Variants in SNX29 observed in about 807,000 individuals in gnomAD.
SNX29 encodes sorting nexin-29.
A neutral mutation model predicts 102.1 loss-of-function variants in SNX29; 78 were observed. The observed-to-expected ratio is 0.76, with a 90% CI of 0.64 to 0.92. The LOEUF (loss-of-function observed/expected upper bound fraction) is 0.92. Among genes scored for constraint, SNX29 ranks in the 40% least tolerant of loss-of-function variants. SNX29 has a pLI of 0.00. For synonymous variants in SNX29, 580 were observed against 414.5 expected (o/e 1.40, Z -4.85); for missense variants, 1,280 against 1,061.7 (o/e 1.21, Z -2.86).
intron 20 of SNX29, among the ~76,000 whole-genome samples, chr16:12,550,531 C>CAAAAAAA (rs34325828): frequency 1.8e-5 from 2 of 108,182 alleles, no homozygotes; most frequent in Non-Finnish European, 2.2e-5. Context: ...TCTCAATCTA[C>CAAAAAAA]AAAAAAAAAA....
chr16:12,043,172 C>G (rs2049954827), intron 5 of SNX29, 95 bp downstream of exon 5: 3 of 1,495,664 alleles, frequency 2.0e-6, no homozygotes, highest in Non-Finnish European at 2.7e-6. Flanking sequence ...TCCTAGTTCC[C>G]CGATCTGGGG....
intron 18 of SNX29, among the ~76,000 whole-genome samples, chr16:12,405,415 G>T (rs1032093976): frequency 6.6e-6 from 1 of 152,216 alleles, no homozygotes. Flanking sequence ...ACGGTGTGAA[G>T]CTCTCATGGG....
At chr16:12,450,107 G>A (rs968382560) in intron 18 of SNX29, among the ~76,000 whole-genome samples, 1 of 152,182 alleles carries the variant, frequency 6.6e-6, no homozygotes, top group Non-Finnish European at 1.5e-5. Flanking sequence ...GTAAGAGGTG[G>A]CTTTGCTCTT....
At chr16:12,563,897 T>A (rs569176485) in intron 20 of SNX29, among the ~76,000 whole-genome samples, 6 of 152,240 alleles carry the variant, frequency 3.9e-5, no homozygotes, top group African/African-American at 1.2e-4. Context: ...CTCTGCCGTC[T>A]CTGGAGCAGG....
chr16:12,407,501 A>C (rs1053695469), intron 18 of SNX29, among the ~76,000 whole-genome samples: 1 of 152,224 alleles, frequency 6.6e-6, no homozygotes, highest in South Asian at 2.1e-4. Context: ...AAACAGTCCA[A>C]AGTTTAGCAT....
Position 12,383,433 on chromosome 16 carries a change from CT to C in SNX29, c.1900-15005del, listed in dbSNP as rs1395076578. Among the ~76,000 whole-genome samples, 5 of 152,080 alleles carry C rather than the reference CT, an allele frequency of 3.3e-5. No homozygotes were observed. In the East Asian group the frequency reaches 5.8e-4, roughly 18 times the overall value. Reference sequence around the variant, plus strand: ...AATAGTGTAGCTGATGAGTCACTTTCTTTTTTTTCTTTTTTCTTTTTGGGAC... The same window carrying C: ...AATAGTGTAGCTGATGAGTCACTTTCTTTTTTTCTTTTTTCTTTTTGGGAC... On this transcript the variant is annotated intron_variant, in intron 16 of 20. Transcript: ENST00000566228.
chr16:12,187,785 A>G (rs1415820641), intron 13 of SNX29, among the ~76,000 whole-genome samples: 2 of 152,030 alleles, frequency 1.3e-5, no homozygotes, highest in Non-Finnish European at 2.9e-5. Context: ...GAGTTGTCAC[A>G]TTGGTACATT....
intron 15 of SNX29, among the ~76,000 whole-genome samples, chr16:12,301,396 A>G (rs879597544): frequency 6.6e-6 from 1 of 151,668 alleles, no homozygotes; most frequent in Non-Finnish European, 1.5e-5. Flanking sequence ...GGCCAGGGTT[A>G]CTCCACCCTC....
chr16:12,555,518 A>G (rs1366375036), intron 20 of SNX29, among the ~76,000 whole-genome samples: 1 of 151,180 alleles, frequency 6.6e-6, no homozygotes, highest in South Asian at 2.1e-4. Context: ...TTGACTGGAC[A>G]GCGCCCCTGC....
At chr16:12,451,043 C>T (rs1405895943) in intron 18 of SNX29, among the ~76,000 whole-genome samples, 1 of 152,162 alleles carries the variant, frequency 6.6e-6, no homozygotes. Flanking sequence ...TATGCACCTT[C>T]TACAAGCAAG....
intron 15 of SNX29, among the ~76,000 whole-genome samples, chr16:12,330,142 C>T (rs2081251940): frequency 2.0e-5 from 3 of 152,130 alleles, no homozygotes. Context: ...TTGCGGGAGG[C>T]TCAGGATCAG....
chr16:12,451,395 G>T (rs758926503), intron 18 of SNX29, among the ~76,000 whole-genome samples: 19 of 152,232 alleles, frequency 1.2e-4, no homozygotes, highest in Non-Finnish European at 2.8e-4. Flanking sequence ...ATTAGAGGCT[G>T]ATTGCCGAGT....
intron 2 of SNX29, among the ~76,000 whole-genome samples, chr16:12,001,130 T>C (rs893858302): frequency 6.4e-4 from 97 of 152,122 alleles, no homozygotes; most frequent in Non-Finnish European, 2.4e-4. Flanking sequence ...TGTTTTTTTT[T>C]AGATGGAGTC....
intron 18 of SNX29, among the ~76,000 whole-genome samples, chr16:12,406,693 A>C (rs774632849): frequency 6.6e-6 from 1 of 152,208 alleles, no homozygotes; most frequent in Non-Finnish European, 1.5e-5. Flanking sequence ...GGATCACTTG[A>C]GGTCAGGAGT....
chr16:12,175,022 A>G (rs149483906), intron 13 of SNX29, among the ~76,000 whole-genome samples: 12 of 152,310 alleles, frequency 7.9e-5, no homozygotes, highest in African/African-American at 2.6e-4. Context: ...AAGCAATGCT[A>G]ATTATATTTC....
At chr16:12,546,677 T>C (rs1390033837) in intron 20 of SNX29, 1 of 152,204 alleles carries the variant, frequency 6.6e-6, no homozygotes, top group Non-Finnish European at 1.5e-5. Context: ...TCTTCCTTTT[T>C]GAATCCATCT....
chr16:12,441,787 C>G lies in SNX29; in HGVS notation c.2038-35932C>G, dbSNP rs139822548. Among the ~76,000 whole-genome samples, 12 of 152,198 alleles carry G rather than the reference C, an allele frequency of 7.9e-5. No individual in the cohort carries two copies. The East Asian group carries it at 2.3e-3, about 29-fold the overall frequency. On this transcript the variant is annotated intron_variant, in intron 18 of 20. Coordinates refer to ENST00000566228, the MANE Select transcript of SNX29 (RefSeq NM_032167.5). ...AATTTAGTTATTTGATCCATTTTGA[C>G]TTTTGTTTTGTTTTGTTTTGAGTTA...
chr16:12,295,050 G>T (rs938621014), intron 15 of SNX29, among the ~76,000 whole-genome samples: 3 of 152,170 alleles, frequency 2.0e-5, no homozygotes, highest in Admixed American at 2.0e-4. Context: ...AACACATCTC[G>T]TGAGACTTAT....
In SNX29 at chr16:12,568,787, A is replaced by G; in HGVS notation, c.*158A>G. On this transcript the variant is annotated 3_prime_UTR_variant, in exon 21 of 21. Coordinates refer to ENST00000566228, the MANE Select transcript of SNX29 (RefSeq NM_032167.5). ...AGTTACACAACACCCCGATTAAACT[A>G]ATCAGTCTTCGAGCCGCATGATACC... The G allele has an allele frequency of 8.4e-7, 1 of 1,186,646 alleles. No homozygotes were observed. The highest frequency in any genetic ancestry group is 1.2e-6 in the Non-Finnish European group (1 of 868,232). The allele number at this position is 1,186,646 out of a possible 1,614,324, so 73.5% of individuals were successfully genotyped here. A position where few individuals can be genotyped will look rare whatever the true frequency, so the allele number is the denominator to read the frequency against.
Sources: gnomAD v4.1 joint callset for allele counts (sites outside exome capture counted in the v4.1 genomes callset) on GRCh38, gnomAD v4.1.1 for gene constraint, MANE v1.5 for transcripts, NCBI Gene and HGNC (gene_info 2026-07-23, HGNC 2026-07-21) for gene names.